The following TSG101 variants were observed in gnomAD, a reference collection of about 807,000 sequenced individuals.
TSG101 encodes tumor susceptibility gene 101 protein.
TSG101 carries 19 observed loss-of-function variants against 48.5 expected under a neutral mutation model. The observed-to-expected ratio is 0.39, with a 90% CI of 0.27 to 0.58. The LOEUF (loss-of-function observed/expected upper bound fraction) is 0.58, where lower values mean the gene tolerates loss of function less well. Among genes scored for constraint, TSG101 ranks in the 20% least tolerant of loss-of-function variants. TSG101 has a pLI of 0.55. For synonymous variants in TSG101, 174 were observed against 169.4 expected (o/e 1.03, Z -0.21); for missense variants, 365 against 484.4 (o/e 0.75, Z 2.31).
intron 4 of TSG101, among the ~76,000 whole-genome samples, chr11:18,510,276 C>G (rs889219715): frequency 1.3e-5 from 2 of 151,894 alleles, no homozygotes; most frequent in African/African-American, 4.8e-5. Context: ...CAAAAATTAG[C>G]CGGGTGTGGT....
At chr11:18,505,349 A>G (rs1436881375) in intron 6 of TSG101, among the ~76,000 whole-genome samples, 1 of 151,006 alleles carries the variant, frequency 6.6e-6, no homozygotes, top group Non-Finnish European at 1.5e-5. Flanking sequence ...CTCGATCTGT[A>G]GGCTCAAGTG....
intron 5 of TSG101, 34 bp downstream of exon 5, chr11:18,509,508 A>G (rs747817408): frequency 7.5e-6 from 12 of 1,599,252 alleles, no homozygotes; most frequent in Non-Finnish European, 1.0e-5. Context: ...TTTTGTTTAT[A>G]TGAGTTTTAA....
intron 7 of TSG101, among the ~76,000 whole-genome samples, chr11:18,495,341 G>C (rs1334022028): frequency 6.6e-6 from 1 of 152,202 alleles, no homozygotes; most frequent in African/African-American, 2.4e-5. Context: ...CTAAAGCCTA[G>C]GATTCAGAGC....
At chr11:18,509,100 G>A (rs369795840) in intron 5 of TSG101, among the ~76,000 whole-genome samples, 25 of 152,312 alleles carry the variant, frequency 1.6e-4, no homozygotes, top group African/African-American at 4.6e-4. Context: ...AGAGCTAGAT[G>A]TCCAATTGTG....
At chr11:18,508,263 C>T (rs1429152897) in intron 5 of TSG101, among the ~76,000 whole-genome samples, 1 of 150,008 alleles carries the variant, frequency 6.7e-6, no homozygotes, top group African/African-American at 2.5e-5. Context: ...GCTCTGTCAC[C>T]CAGGCTGGAG....
At position 18,483,902 on chromosome 11, in the gene TSG101, C is replaced by T. The variant is rs1381032346; in HGVS notation, c.811G>A (p.Glu271Lys). The T allele has an allele frequency of 6.2e-7, 1 of 1,614,050 alleles. No homozygotes were observed. The highest frequency in any genetic ancestry group is 8.5e-7 in the Non-Finnish European group (1 of 1,180,038). Reference protein sequence around the residue: ...EDLKKGHQKLEEMVTRLDQEV... With the variant: ...EDLKKGHQKLKEMVTRLDQEV... ...TGATCTAAACGGGTAACCATCTCTTCCAGTTTCTGGTGACCCTTTTTCAGG... is the reference window on the plus strand; with the variant it reads ...TGATCTAAACGGGTAACCATCTCTTTCAGTTTCTGGTGACCCTTTTTCAGG... The change falls in exon 8 of 10, where the codon GAA becomes AAA. Residue 271 changes from glutamate (E) to lysine (K), a missense_variant. Glu to Lys is a moderately conservative substitution (Grantham distance 56, BLOSUM62 1). Coordinates refer to ENST00000251968, the MANE Select transcript of TSG101 (RefSeq NM_006292.4).
At chr11:18,501,937 C>T (rs1385357763) in intron 7 of TSG101, among the ~76,000 whole-genome samples, 1 of 152,148 alleles carries the variant, frequency 6.6e-6, no homozygotes, top group Non-Finnish European at 1.5e-5. Context: ...AGATAACCAA[C>T]TTATGGTAAC....
rs1195860189 is a variant in TSG101 at position 18,506,890 on chromosome 11, G to A, written c.515C>T (p.Ser172Phe). The A allele has an allele frequency of 5.6e-6, 9 of 1,607,788 alleles. No homozygotes were observed. In the East Asian group the frequency reaches 2.0e-4, roughly 36 times the overall value. The change falls in exon 6 of 10, where the codon TCT (serine) becomes TTT (phenylalanine). Residue 172 changes from serine to phenylalanine, a missense_variant. Coordinates refer to ENST00000251968, the MANE Select transcript of TSG101 (RefSeq NM_006292.4). ...GGGAGGGTATCCGGATGGGTATGGAGAGATTCCACCTGGCATGCCTGGCAT... is the reference window on the plus strand; with the variant it reads ...GGGAGGGTATCCGGATGGGTATGGAAAGATTCCACCTGGCATGCCTGGCAT... ...SYMPGMPGGI[S>F]PYPSGYPPNP...
intron 6 of TSG101, among the ~76,000 whole-genome samples, chr11:18,505,661 GTTAAT>G (rs1418911033): frequency 7.2e-5 from 11 of 152,128 alleles, no homozygotes; most frequent in Non-Finnish European, 1.5e-4. Flanking sequence ...TGATTTCATT[GTTAAT>G]TTAATTTAGT....
At chr11:18,515,679 T>G (rs2133929529) in intron 3 of TSG101, among the ~76,000 whole-genome samples, 1 of 152,376 alleles carries the variant, frequency 6.6e-6, no homozygotes, top group South Asian at 2.1e-4. Context: ...AAGATATCCA[T>G]ATATAACATG....
intron 8 of TSG101, among the ~76,000 whole-genome samples, chr11:18,483,000 T>C (rs777192981): frequency 2.6e-5 from 4 of 151,506 alleles, no homozygotes; most frequent in Non-Finnish European, 5.9e-5. Context: ...CAACTTGAAT[T>C]GTATCTCACA....
At chr11:18,505,881 G>A (rs1001468776) in intron 6 of TSG101, among the ~76,000 whole-genome samples, 2 of 152,040 alleles carry the variant, frequency 1.3e-5, no homozygotes, top group South Asian at 2.1e-4. Context: ...GTAATGGCGC[G>A]ATCTCGGCTC....
Position 18,481,787 on chromosome 11 carries a change from G to A in TSG101, c.926C>T (p.Ser309Phe). Residue 309 changes from serine to phenylalanine, a missense_variant, in exon 9 of 10, where the codon TCT becomes TTT. Physicochemically the swap from Ser to Phe is radical, Grantham distance 155 (BLOSUM62 -2). Coordinates refer to ENST00000251968, the MANE Select transcript of TSG101 (RefSeq NM_006292.4). ...AACTTCATCGATATCATTGTTTTCA[G>A]ACTGATTTTCCATTTTTTCCAGAGC... ...SSALEKMENQ[S>F]ENNDIDEVII... 1.2e-6 allele frequency: 2 copies of A among 1,614,086 alleles called. No individual in the cohort carries two copies. Among genetic ancestry groups the A allele is most frequent in the Non-Finnish European group, 1.7e-6 (2 of 1,180,006 alleles).
intron 1 of TSG101, 107 bp downstream of exon 1, chr11:18,526,668 C>T (rs1850379956): frequency 6.5e-6 from 9 of 1,386,080 alleles, no homozygotes; most frequent in South Asian, 1.3e-5. Context: ...TGCACCGGGG[C>T]TTCCGGCCCG....
chr11:18,482,345 G>A (rs760829074), intron 8 of TSG101, among the ~76,000 whole-genome samples: 1 of 152,224 alleles, frequency 6.6e-6, no homozygotes, highest in Non-Finnish European at 1.5e-5. Context: ...TGTAGGCTCT[G>A]AGTTGTATTG....
chr11:18,513,750 C>T (rs1234010846), intron 4 of TSG101, among the ~76,000 whole-genome samples: 1 of 152,126 alleles, frequency 6.6e-6, no homozygotes, highest in Non-Finnish European at 1.5e-5. Flanking sequence ...GGCCCTTTGC[C>T]CAGATTCTCA....
intron 1 of TSG101, among the ~76,000 whole-genome samples, chr11:18,522,997 C>T (rs544483134): frequency 6.6e-6 from 1 of 152,270 alleles, no homozygotes; most frequent in South Asian, 2.1e-4. Context: ...TCAAGTGATC[C>T]TCCCATCTCA....
chr11:18,506,640 A>C (rs1849979089), intron 6 of TSG101, among the ~76,000 whole-genome samples: 1 of 152,042 alleles, frequency 6.6e-6, no homozygotes, highest in Non-Finnish European at 1.5e-5. Flanking sequence ...CAGTGAGCCG[A>C]GATTGCGCCA....
intron 5 of TSG101, among the ~76,000 whole-genome samples, chr11:18,508,296 A>G (rs2133923442): frequency 6.8e-6 from 1 of 146,570 alleles, no homozygotes; most frequent in East Asian, 2.0e-4. Flanking sequence ...ATCTCAGCTC[A>G]CTGCAACATC....
Sources: gnomAD v4.1 joint callset for allele counts (sites outside exome capture counted in the v4.1 genomes callset) on GRCh38, gnomAD v4.1.1 for gene constraint, MANE v1.5 for transcripts, NCBI Gene and HGNC (gene_info 2026-07-23, HGNC 2026-07-21) for gene names.